ANK3: variants seen among roughly 807,000 people sequenced by gnomAD.
ANK3 encodes ankyrin-3.
ANK3 carries 57 observed loss-of-function variants against 370.9 expected under a neutral mutation model. The observed-to-expected ratio is 0.15, with a 90% confidence interval of 0.12 to 0.19. The LOEUF is 0.19. ANK3 is among the 10% of genes least tolerant of loss of function. The pLI is 1.00. For synonymous variants in ANK3, 1,929 were observed against 1,946.3 expected (o/e 0.99, Z 0.23); for missense variants, 4,439 against 5,302.1 (o/e 0.84, Z 5.06).
At chr10:60,719,041 C>A (rs1589073371) in intron 1 of ANK3, among the ~76,000 whole-genome samples, 2 of 152,236 alleles carry the variant, frequency 1.3e-5, no homozygotes, top group African/African-American at 2.4e-5. Context: ...CTGAGACAAC[C>A]AAATCCTTGA....
intron 2 of ANK3, among the ~76,000 whole-genome samples, chr10:60,540,552 A>AATCCTAAAC (rs1170369126): frequency 1.3e-5 from 2 of 151,936 alleles, no homozygotes; most frequent in Non-Finnish European, 2.9e-5. Flanking sequence ...TTACTGAGTT[A>AATCCTAAAC]ATCCTAAACA....
chr10:60,228,398 G>A (rs2097195143), intron 8 of ANK3, among the ~76,000 whole-genome samples: 1 of 151,984 alleles, frequency 6.6e-6, no homozygotes, highest in African/African-American at 2.4e-5. Flanking sequence ...GCTAGGCGAG[G>A]TGGCGTGTGC....
chr10:60,181,681 CT>C (rs1275855151), intron 17 of ANK3, among the ~76,000 whole-genome samples: 2 of 152,100 alleles, frequency 1.3e-5, no homozygotes, highest in African/African-American at 4.8e-5. Flanking sequence ...TGGCATGCAC[CT>C]GTAGTCCCAG....
In ANK3 at chr10:60,069,185, T is replaced by C. The variant is rs1192533519; in HGVS notation, c.11696A>G (p.Lys3899Arg). ...TACACATGAAGAAGTAGTAAGGGCT[T>C]TGGTTTTCTCGGATTGACTAACCTG... ...MKQVSQSEKT[K>R]ALTTSSCVDV... is the part of the protein sequence containing the mutation. Residue 3899 changes from lysine to arginine, a missense_variant, in exon 37 of 44, where the codon AAA (lysine) becomes AGA (arginine). By Grantham distance (26) the Lys-to-Arg change is conservative. This residue lies in a region of ANK3 where 496 missense variants were observed against 529.3 expected (regional missense o/e 0.94). Coordinates refer to ENST00000280772, the MANE Select transcript of ANK3 (RefSeq NM_020987.5). 1 of 1,614,184 alleles carries C rather than the reference T, an allele frequency of 6.2e-7. No homozygotes were observed.
intron 7 of ANK3, among the ~76,000 whole-genome samples, chr10:60,240,217 T>TATATATATACACACATATATATACACAC (rs1255487726): frequency 2.2e-4 from 31 of 139,148 alleles, no homozygotes; most frequent in Middle Eastern, 3.8e-3. Context: ...TATATACACA[T>TATATATATACACACATATATATACACAC]ATATATATAC....
chr10:60,276,626 AAAT>A, intron 4 of ANK3, among the ~76,000 whole-genome samples: 1 of 152,348 alleles, frequency 6.6e-6, no homozygotes, highest in Non-Finnish European at 1.5e-5. Flanking sequence ...GAATGCGTAT[AAAT>A]TGAAATTAGA....
At chr10:60,405,066 G>T (rs141621799) in intron 2 of ANK3, among the ~76,000 whole-genome samples, 327 of 152,238 alleles carry the variant, frequency 2.1e-3, no homozygotes, top group Non-Finnish European at 3.7e-3. Context: ...ACTCTAATAC[G>T]TTGTGAGTGG....
intron 1 of ANK3, among the ~76,000 whole-genome samples, chr10:60,696,698 A>C (rs1252260585): frequency 6.7e-6 from 1 of 149,464 alleles, no homozygotes. Flanking sequence ...GACAAAATTC[A>C]ACAGCCCTTC....
At chr10:60,120,840 G>A (rs956677569) in intron 25 of ANK3, among the ~76,000 whole-genome samples, 1 of 152,138 alleles carries the variant, frequency 6.6e-6, no homozygotes, top group African/African-American at 2.4e-5. Flanking sequence ...ACCAGGATTT[G>A]GAGAAAAGGG....
At chr10:60,292,999 A>G (rs2041777115) in intron 1 of ANK3, among the ~76,000 whole-genome samples, 1 of 152,078 alleles carries the variant, frequency 6.6e-6, no homozygotes, top group Non-Finnish European at 1.5e-5. Flanking sequence ...ATGAGCCACC[A>G]AGCCCCGCCC....
In ANK3 at chr10:60,085,469, A is replaced by T. The variant is rs192550045; in HGVS notation, c.3749-216T>A. On this transcript the variant is annotated intron_variant, in intron 30 of 43. Transcript: ENST00000280772. ...TTTCCTTGTAAGATGATATTAAATT[A>T]AAAAAAAATTCCTTGTTTTTTGTCT... 2.8e-3 allele frequency among the ~76,000 whole-genome samples: 423 copies of T among 150,512 alleles called. 2 individuals are homozygous for T. The highest frequency in any genetic ancestry group is 0.017 in the Middle Eastern group (5 of 294).
At chr10:60,692,711 T>C (rs987696834) in intron 1 of ANK3, among the ~76,000 whole-genome samples, 2 of 152,224 alleles carry the variant, frequency 1.3e-5, no homozygotes, top group Non-Finnish European at 2.9e-5. Context: ...AATCAGACTC[T>C]AACATCTGAT....
intron 2 of ANK3, among the ~76,000 whole-genome samples, chr10:60,405,238 C>A (rs140189885): frequency 6.6e-6 from 1 of 151,934 alleles, no homozygotes; most frequent in Non-Finnish European, 1.5e-5. Flanking sequence ...TTTATGGAAG[C>A]TTTATTTGGA....
chr10:60,422,512 G>A (rs185398611), intron 2 of ANK3, among the ~76,000 whole-genome samples: 1 of 152,012 alleles, frequency 6.6e-6, no homozygotes, highest in Admixed American at 6.6e-5. Context: ...GGGGTGACAC[G>A]TCTTTTTATA....
chr10:60,045,183 T>C (rs968251746), intron 42 of ANK3, among the ~76,000 whole-genome samples: 1 of 152,222 alleles, frequency 6.6e-6, no homozygotes, highest in African/African-American at 2.4e-5. Flanking sequence ...ATGGCAGTCA[T>C]AGAATGTGCT....
intron 1 of ANK3, among the ~76,000 whole-genome samples, chr10:60,713,438 C>T (rs2132016800): frequency 6.6e-6 from 1 of 151,984 alleles, no homozygotes; most frequent in Non-Finnish European, 1.5e-5. Flanking sequence ...CTTATCAAAA[C>T]CTATGAAATG....
chr10:60,141,561 G>GTTTTTTGTTTTTT (rs2094558144), intron 23 of ANK3, among the ~76,000 whole-genome samples: 1 of 49,044 alleles, frequency 2.0e-5, no homozygotes, highest in African/African-American at 9.3e-5. Flanking sequence ...TTCAATTGCT[G>GTTTTTTGTTTTTT]TTTTTTTTTT....
intron 1 of ANK3, among the ~76,000 whole-genome samples, chr10:60,731,397 A>C (rs921889785): frequency 6.6e-6 from 1 of 152,222 alleles, no homozygotes; most frequent in African/African-American, 2.4e-5. Flanking sequence ...AATATCTGCT[A>C]TGGAGTGTAA....
At chr10:60,411,577 G>A (rs899068502) in intron 2 of ANK3, among the ~76,000 whole-genome samples, 18 of 152,236 alleles carry the variant, frequency 1.2e-4, no homozygotes, top group Admixed American at 1.0e-3. Context: ...AACTCCAGCT[G>A]GGGCAGGTAC....
Sources: gnomAD v4.1 joint callset for allele counts (sites outside exome capture counted in the v4.1 genomes callset) on GRCh38, gnomAD v4.1.1 for gene constraint, gnomAD v4.1.1 regional missense constraint, MANE v1.5 for transcripts, NCBI Gene and HGNC (gene_info 2026-07-23, HGNC 2026-07-21) for gene names.